The following WLS variants were observed in gnomAD, a reference collection of about 807,000 sequenced individuals.
WLS encodes Wnt ligand secretion mediator.
WLS carries 23 observed loss-of-function variants against 62.8 expected under a neutral mutation model. The ratio of observed to expected loss-of-function variants is 0.37; its 90% CI spans 0.26 to 0.52. WLS has a LOEUF of 0.52. Among genes scored for constraint, WLS ranks in the 20% least tolerant of loss-of-function variants. WLS has a pLI of 0.92. For synonymous variants in WLS, 246 were observed against 244.1 expected (o/e 1.01, Z -0.07); for missense variants, 615 against 697.3 (o/e 0.88, Z 1.33).
At chr1:68,132,640 G>C (rs1646544106) in intron 11 of WLS, among the ~76,000 whole-genome samples, 1 of 152,180 alleles carries the variant, frequency 6.6e-6, no homozygotes, top group Non-Finnish European at 1.5e-5. Context: ...GACAGAAAAT[G>C]CTTAGCGTGA....
chr1:68,225,185 G>A (rs1468717804), intron 1 of WLS, among the ~76,000 whole-genome samples: 2 of 151,930 alleles, frequency 1.3e-5, no homozygotes, highest in Admixed American at 6.6e-5. Flanking sequence ...TGGGGGGTGG[G>A]GGGAAGAGGT....
At chr1:68,111,059 A>T (rs570779115) in intron 11 of WLS, among the ~76,000 whole-genome samples, 1 of 152,260 alleles carries the variant, frequency 6.6e-6, no homozygotes, top group Non-Finnish European at 1.5e-5. Flanking sequence ...ATCATCAAAG[A>T]TACCATAAAT....
At chr1:68,126,790 T>C (rs1382540778) in intron 11 of WLS, among the ~76,000 whole-genome samples, 2 of 152,130 alleles carry the variant, frequency 1.3e-5, no homozygotes, top group Non-Finnish European at 2.9e-5. Context: ...ACAAGAGAGC[T>C]GGCAAAGGAA....
intron 11 of WLS, among the ~76,000 whole-genome samples, chr1:68,137,460 AAC>A (rs1243965909): frequency 2.6e-5 from 4 of 152,214 alleles, no homozygotes; most frequent in African/African-American, 9.7e-5. Flanking sequence ...CATAGTTTCC[AAC>A]AGTCAATTGT....
intron 1 of WLS, among the ~76,000 whole-genome samples, chr1:68,207,894 C>T (rs1211536489): frequency 6.6e-6 from 1 of 152,244 alleles, no homozygotes; most frequent in Non-Finnish European, 1.5e-5. Context: ...GTGCTGTCAA[C>T]ACATGAGAAG....
chr1:68,198,009 T>A (rs1279335463), intron 1 of WLS, among the ~76,000 whole-genome samples: 2 of 152,158 alleles, frequency 1.3e-5, no homozygotes, highest in African/African-American at 4.8e-5. Flanking sequence ...GTCAACAAAC[T>A]GAGTCATGTT....
At chr1:68,183,697 C>T (rs1381302305) in intron 2 of WLS, 3 of 268,518 alleles carry the variant, frequency 1.1e-5, no homozygotes, top group East Asian at 2.4e-4. Context: ...GTTGTCTTCC[C>T]TTGATGTCCA....
Position 68,146,014 on chromosome 1 carries a change from T to TG in WLS, c.1135-3dup. 6.2e-7 allele frequency: 1 copy of TG among 1,614,048 alleles called. No homozygotes were observed. The highest frequency in any genetic ancestry group is 1.1e-5 in the South Asian group (1 of 91,064). On this transcript the variant is annotated splice_region_variant and splice_polypyrimidine_tract_variant and intron_variant, in intron 8 of 11. Transcript: ENST00000262348. ...TCCAGCCACGATGATGAAGGCCATC[T>TG]GGTCGTGTCCAGTAAAGGAAACAAC...
intron 8 of WLS, among the ~76,000 whole-genome samples, chr1:68,146,344 TACACAATAAATTTGAGAAGC>T (rs944051588): frequency 1.3e-5 from 2 of 152,180 alleles, no homozygotes; most frequent in Admixed American, 1.3e-4. Context: ...GAGATCCGTA[TACACAATAAATTTGAGAAGC>T]ACTAATAAAC....
chr1:68,186,642 G>A, intron 2 of WLS: 1 of 456,180 alleles, frequency 2.2e-6, no homozygotes, highest in South Asian at 1.5e-5. Flanking sequence ...CTGAAGTCCT[G>A]TTCATTGCTG....
chr1:68,158,861 TGGCTA>T (rs1462986651), intron 3 of WLS, among the ~76,000 whole-genome samples: 1 of 152,098 alleles, frequency 6.6e-6, no homozygotes, highest in Non-Finnish European at 1.5e-5. Flanking sequence ...AGGAAAAAAA[TGGCTA>T]AAGCTGGGGC....
At chr1:68,129,157 CTA>C (rs1297336252) in intron 11 of WLS, among the ~76,000 whole-genome samples, 4 of 152,030 alleles carry the variant, frequency 2.6e-5, no homozygotes, top group African/African-American at 9.7e-5. Context: ...AACCCTGTCT[CTA>C]CTAAAATTAA....
chr1:68,170,675 C>T (rs552196443), intron 2 of WLS, among the ~76,000 whole-genome samples: 15 of 151,398 alleles, frequency 9.9e-5, no homozygotes, highest in Admixed American at 3.3e-4. Flanking sequence ...CAGATTTACT[C>T]TTGCCTTCTT....
At chr1:68,231,639 A>G in intron 1 of WLS, 1 of 420,434 alleles carries the variant, frequency 2.4e-6, no homozygotes, top group Non-Finnish European at 4.8e-6. Flanking sequence ...AGAGGGCGCG[A>G]AGGTCGGGAC....
At chr1:68,192,415 C>A (rs1648361094) in intron 2 of WLS, among the ~76,000 whole-genome samples, 1 of 151,570 alleles carries the variant, frequency 6.6e-6, no homozygotes, top group Non-Finnish European at 1.5e-5. Flanking sequence ...TCAGGAGAGA[C>A]CCCCATAAAA....
intron 2 of WLS, among the ~76,000 whole-genome samples, chr1:68,176,600 C>T (rs1647269728): frequency 6.6e-6 from 1 of 152,224 alleles, no homozygotes; most frequent in Non-Finnish European, 1.5e-5. Flanking sequence ...GGCAACTCAC[C>T]TACCAGGCCC....
chr1:68,155,887 A>C (rs1646890586), intron 3 of WLS, among the ~76,000 whole-genome samples: 1 of 152,200 alleles, frequency 6.6e-6, no homozygotes, highest in Non-Finnish European at 1.5e-5. Context: ...AGAGATACCC[A>C]CTAAGAATTT....
chr1:68,184,720 T>C (rs778496309), intron 2 of WLS, among the ~76,000 whole-genome samples: 1 of 152,202 alleles, frequency 6.6e-6, no homozygotes, highest in African/African-American at 2.4e-5. Flanking sequence ...CTCTGAAATA[T>C]TTAGCAAAAA....
chr1:68,229,700 T>G (rs1336827592), intron 1 of WLS, among the ~76,000 whole-genome samples: 1 of 148,976 alleles, frequency 6.7e-6, no homozygotes, highest in East Asian at 2.1e-4. Flanking sequence ...CCTACCCAAA[T>G]TTTAGATTTA....
Sources: allele counts gnomAD v4.1 joint callset (sites outside exome capture counted in the v4.1 genomes callset), GRCh38; gene constraint gnomAD v4.1.1; transcripts MANE v1.5; gene names NCBI Gene and HGNC (gene_info 2026-07-23, HGNC 2026-07-21).